KCTD20: variants seen among roughly 807,000 people sequenced by gnomAD.
KCTD20 encodes the protein BTB/POZ domain-containing protein KCTD20.
KCTD20 carries 30 observed loss-of-function variants against 39.6 expected under a neutral mutation model. That is an observed-to-expected ratio of 0.76 (90% CI 0.57 to 1.03). The LOEUF (loss-of-function observed/expected upper bound fraction) is 1.03. KCTD20 is among the 50% of genes least tolerant of loss of function. The pLI is 0.00. For missense variants in KCTD20, 422 were observed against 522.0 expected (o/e 0.81, Z 1.87); for synonymous variants, 162 against 180.6 (o/e 0.90, Z 0.83).
At chr6:36,480,989 G>T (rs6902473) in intron 5 of KCTD20, among the ~76,000 whole-genome samples, 42,197 of 152,134 alleles carry the variant, frequency 0.28, 6,771 homozygotes, top group African/African-American at 0.44. Context: ...AGGCCAGGAT[G>T]AGAACTCAGA....
chr6:36,483,546 GCT>G (rs1776327583), intron 6 of KCTD20, among the ~76,000 whole-genome samples: 1 of 152,072 alleles, frequency 6.6e-6, no homozygotes, highest in Admixed American at 6.6e-5. Context: ...ATAGAATCTT[GCT>G]CTTTCACCCA....
intron 1 of KCTD20, chr6:36,451,472 T>C (rs555879235): frequency 1.3e-5 from 2 of 152,282 alleles, no homozygotes; most frequent in Middle Eastern, 3.4e-3. Context: ...AATATATCAA[T>C]ACTATTTCAC....
At chr6:36,473,543 C>CG (rs1775973099) in intron 2 of KCTD20, among the ~76,000 whole-genome samples, 1 of 151,898 alleles carries the variant, frequency 6.6e-6, no homozygotes, top group South Asian at 2.1e-4. Context: ...GAGGCCAAGG[C>CG]GGGCGGATCA....
At chr6:36,464,977 G>T (rs551141715) in intron 1 of KCTD20, among the ~76,000 whole-genome samples, 2 of 152,160 alleles carry the variant, frequency 1.3e-5, no homozygotes, top group South Asian at 4.1e-4. Flanking sequence ...ATAAACAAGG[G>T]TACTGCCTTT....
chr6:36,466,386 T>C (rs531303295), intron 1 of KCTD20, among the ~76,000 whole-genome samples: 36 of 145,842 alleles, frequency 2.5e-4, no homozygotes, highest in Middle Eastern at 3.6e-3. Flanking sequence ...TTTTTTCTCT[T>C]TTTTTTTTTT....
intron 1 of KCTD20, among the ~76,000 whole-genome samples, chr6:36,464,845 C>A (rs1775695449): frequency 6.6e-6 from 1 of 152,164 alleles, no homozygotes; most frequent in Non-Finnish European, 1.5e-5. Flanking sequence ...GATATAACTA[C>A]TTCTTAAGTT....
intron 1 of KCTD20, among the ~76,000 whole-genome samples, chr6:36,460,966 A>T (rs1239869903): frequency 6.6e-6 from 1 of 152,080 alleles, no homozygotes; most frequent in Non-Finnish European, 1.5e-5. Context: ...GTGTAAAATG[A>T]GGGTAACAAT....
At chr6:36,443,460 T>C (rs1010963604) in intron 1 of KCTD20, 2 of 152,182 alleles carry the variant, frequency 1.3e-5, no homozygotes, top group Non-Finnish European at 2.9e-5. Context: ...GGCGAGAACC[T>C]GGAGTGTTGA....
chr6:36,485,036 G>A (rs542874669), intron 7 of KCTD20, among the ~76,000 whole-genome samples: 1 of 152,174 alleles, frequency 6.6e-6, no homozygotes, highest in South Asian at 2.1e-4. Flanking sequence ...AAACAAGTTC[G>A]AGTTTACTAC....
rs989283150 is a variant in KCTD20, at chr6:36,488,808, G to A, written c.*1633G>A. 1 of 152,556 alleles carries A rather than the reference G, an allele frequency of 6.6e-6. No homozygotes were observed. Among genetic ancestry groups the A allele is most frequent in the South Asian group, 2.1e-4 (1 of 4,826 alleles). 9.5% of individuals were successfully genotyped at this position (152,556 alleles called of 1,614,324 possible). On this transcript the variant is annotated 3_prime_UTR_variant, in exon 8 of 8. Coordinates refer to ENST00000373731, the MANE Select transcript of KCTD20 (RefSeq NM_173562.5). ...GTAGATGTTGAAAGCTCTTTCCAGG[G>A]CTGAAAAAGTGTTCTTACGTTCTCT...
intron 2 of KCTD20, among the ~76,000 whole-genome samples, chr6:36,474,573 A>G (rs1254214303): frequency 6.6e-6 from 1 of 151,672 alleles, no homozygotes; most frequent in Non-Finnish European, 1.5e-5. Flanking sequence ...CCCTCCCCCA[A>G]CCCTCACATG....
In KCTD20 at chr6:36,445,139, G is replaced by A. The variant is rs540551809; in HGVS notation, c.-47+2028G>A. Among the ~76,000 whole-genome samples, 4 of 151,936 alleles carry A rather than the reference G, an allele frequency of 2.6e-5. No homozygotes were observed. In the South Asian group the frequency reaches 8.3e-4, roughly 32 times the overall value. On this transcript the variant is annotated intron_variant, in intron 1 of 7. Transcript: ENST00000373731. ...AAGCCAGGCATGGTGGTGGGCACCT[G>A]TAATCCCAGCTACACGGGAGGCTGA...
intron 3 of KCTD20, among the ~76,000 whole-genome samples, chr6:36,478,795 A>G (rs894201096): frequency 6.6e-6 from 1 of 152,212 alleles, no homozygotes; most frequent in Non-Finnish European, 1.5e-5. Flanking sequence ...CACCATCTCA[A>G]CACAGATATT....
chr6:36,484,114 T>G (rs138823036), intron 6 of KCTD20, among the ~76,000 whole-genome samples: 8,071 of 152,086 alleles, frequency 0.053, 301 homozygotes, highest in South Asian at 0.14. Flanking sequence ...TTTTCTATTT[T>G]TAGTAGAGAC....
chr6:36,463,202 T>C (rs1366199654), intron 1 of KCTD20, among the ~76,000 whole-genome samples: 1 of 152,222 alleles, frequency 6.6e-6, no homozygotes, highest in Admixed American at 6.5e-5. Context: ...GCCAGTTATT[T>C]GTCATTCATC....
chr6:36,463,121 A>C (rs1387428107), intron 1 of KCTD20, among the ~76,000 whole-genome samples: 2 of 151,776 alleles, frequency 1.3e-5, no homozygotes, highest in Non-Finnish European at 2.9e-5. Context: ...TTAATCCTTC[A>C]CTCTAGCCTG....
At chr6:36,456,322 A>G (rs1775432348) in intron 1 of KCTD20, among the ~76,000 whole-genome samples, 1 of 152,188 alleles carries the variant, frequency 6.6e-6, no homozygotes, top group Non-Finnish European at 1.5e-5. Flanking sequence ...TCTGTCACCC[A>G]GGCTGGAGTG....
At chr6:36,449,974 C>G (rs182690711) in intron 1 of KCTD20, among the ~76,000 whole-genome samples, 17 of 151,824 alleles carry the variant, frequency 1.1e-4, no homozygotes, top group Non-Finnish European at 1.8e-4. Context: ...ACCATCATGG[C>G]TAACATGGTG....
chr6:36,481,518 G>A (rs1776247931), intron 5 of KCTD20, 44 bp from the exon 6 acceptor site: 1 of 1,404,282 alleles, frequency 7.1e-7, no homozygotes, highest in Non-Finnish European at 1.0e-6. Flanking sequence ...AGTAATATGT[G>A]CATTTAGGCA....
Sources: gnomAD v4.1 joint callset for allele counts (sites outside exome capture counted in the v4.1 genomes callset) on GRCh38, gnomAD v4.1.1 for gene constraint, MANE v1.5 for transcripts, NCBI Gene and HGNC (gene_info 2026-07-23, HGNC 2026-07-21) for gene names.